Variants in IGSF3 observed in about 807,000 individuals in gnomAD.
IGSF3 encodes glu-Trp-Ile EWI motif-containing protein 3.
Under a neutral mutation model 114.4 loss-of-function variants are expected in IGSF3, and 23 were observed. That is an observed-to-expected ratio of 0.20 (90% confidence interval 0.14 to 0.28). The LOEUF (loss-of-function observed/expected upper bound fraction) is 0.28, where lower values mean the gene tolerates loss of function less well. Ranked by LOEUF, IGSF3 falls within the 10% of genes least tolerant of loss-of-function variation. The pLI, the probability that IGSF3 is intolerant of heterozygous loss-of-function variation, is 1.00. For missense variants in IGSF3, 1,172 were observed against 1,591.5 expected (o/e 0.74, Z 4.48); for synonymous variants, 571 against 645.2 (o/e 0.88, Z 1.74).
intron 7 of IGSF3, among the ~76,000 whole-genome samples, chr1:116,591,716 G>A (rs373754126): frequency 6.6e-6 from 1 of 152,116 alleles, no homozygotes; most frequent in South Asian, 2.1e-4. Flanking sequence ...CTTTCCTGAG[G>A]CACAGGGGAG....
rs1479448160 is a variant in IGSF3, at chr1:116,642,734, C to T, written c.43+23550G>A. On this transcript the variant is annotated intron_variant, in intron 2 of 10. Transcript: ENST00000369486. This position sits in a 1 kb window ranked among gnomAD's most constrained non-coding sequence, Gnocchi z 5.4. ...CAGGTGCAGCGCTGCCCTGGGATAC[C>T]AGCTCCTGGGATGCGCTGTAGTATC... 6.6e-6 allele frequency among the ~76,000 whole-genome samples: 1 copy of T among 152,256 alleles called. No homozygotes were observed. Among genetic ancestry groups the T allele is most frequent in the Non-Finnish European group, 1.5e-5 (1 of 68,044 alleles).
At chr1:116,591,803 G>A (rs1490500671) in intron 7 of IGSF3, among the ~76,000 whole-genome samples, 1 of 152,140 alleles carries the variant, frequency 6.6e-6, no homozygotes, top group Non-Finnish European at 1.5e-5. Context: ...TACAGCTTGC[G>A]TGCACCACCT....
In IGSF3 at chr1:116,607,947, G is replaced by C. The variant is rs529881365; in HGVS notation, c.1217C>G (p.Pro406Arg). The change falls in exon 5 of 11, where the codon CCC becomes CGC. Residue 406 changes from proline (P) to arginine (R), a missense_variant. Physicochemically the swap from Pro to Arg is moderately radical, Grantham distance 103. Around this residue, in one of 3 missense-constraint regions of IGSF3, gnomAD observed 736 missense variants for 1,042.0 expected, o/e 0.71. Coordinates refer to ENST00000369486, the MANE Select transcript of IGSF3 (RefSeq NM_001007237.3). The surrounding 1 kb of genome is among the most constrained non-coding windows in gnomAD (Gnocchi z 6.1). ...RPKNIPIIVL[P>R]LKSSISVEVA... Reference sequence around the variant, plus strand: ...CAGCACATCTCTCTACTTACTGAGGGGGAGGACTATGATGGGGATGTTCTT... The same window carrying C: ...CAGCACATCTCTCTACTTACTGAGGCGGAGGACTATGATGGGGATGTTCTT... 6.2e-7 allele frequency: 1 copy of C among 1,613,676 alleles called. No individual in the cohort carries two copies. The highest frequency in any genetic ancestry group is 2.2e-5 in the East Asian group (1 of 44,874).
In IGSF3 at chr1:116,648,044, C is replaced by T. The variant is rs959592114; in HGVS notation, c.43+18240G>A. ...GCTTGAACCTGGGAGGCAGAGGTTG[C>T]GATAAGCTGAGATTGGGCCACTGCA... On this transcript the variant is annotated intron_variant, in intron 2 of 10. Transcript: ENST00000369486. The surrounding 1 kb of genome is among the most constrained non-coding windows in gnomAD (Gnocchi z 4.7). 1.3e-5 allele frequency among the ~76,000 whole-genome samples: 2 copies of T among 151,992 alleles called. No homozygotes were observed. The highest frequency in any genetic ancestry group is 4.8e-5 in the African/African-American group (2 of 41,352).
At position 116,650,443 on chromosome 1, in the gene IGSF3, C is replaced by T. The variant is rs1192217676; in HGVS notation, c.43+15841G>A. ...GAATCTCCCAGCAGACTTCTCATAC[C>T]TCAGTGGCCAAAACCATGTCACACG... On this transcript the variant is annotated intron_variant, in intron 2 of 10. Transcript: ENST00000369486. This position sits in a 1 kb window ranked among gnomAD's most constrained non-coding sequence, Gnocchi z 5.0. Among the ~76,000 whole-genome samples the T allele has an allele frequency of 6.6e-6, 1 of 152,206 alleles. No homozygotes were observed. Among genetic ancestry groups the T allele is most frequent in the Non-Finnish European group, 1.5e-5 (1 of 68,026 alleles).
At chr1:116,663,083 A>G (rs1191553181) in intron 2 of IGSF3, among the ~76,000 whole-genome samples, 1 of 152,110 alleles carries the variant, frequency 6.6e-6, no homozygotes, top group Non-Finnish European at 1.5e-5. Flanking sequence ...AATCTCCTAC[A>G]TTTTTCATTG....
At chr1:116,613,593 G>A (rs571388662) in intron 4 of IGSF3, among the ~76,000 whole-genome samples, 172 bp downstream of exon 4, 1 of 152,324 alleles carries the variant, frequency 6.6e-6, no homozygotes, top group East Asian at 1.9e-4. Context: ...GGATACCTAT[G>A]TCCCACACAT....
chr1:116,609,741 T>C (rs775109669), intron 4 of IGSF3, among the ~76,000 whole-genome samples: 44 of 152,172 alleles, frequency 2.9e-4, no homozygotes, highest in Non-Finnish European at 4.4e-4. Flanking sequence ...TTTCCCACTA[T>C]CTTCAAGATC....
At position 116,636,122 on chromosome 1, in the gene IGSF3, G is replaced by C. The variant is rs1469516360; in HGVS notation, c.44-19665C>G. On this transcript the variant is annotated intron_variant, in intron 2 of 10. Transcript: ENST00000369486. This position sits in a 1 kb window ranked among gnomAD's most constrained non-coding sequence, Gnocchi z 4.5. ...CACCCCGACCACACCCTCTCAAAAG[G>C]CCTTTGCCAGTCATCAAACAAAGCC... Among the ~76,000 whole-genome samples the C allele has an allele frequency of 6.6e-6, 1 of 152,028 alleles. No individual in the cohort carries two copies. The highest frequency in any genetic ancestry group is 1.5e-5 in the Non-Finnish European group (1 of 68,006).
chr1:116,611,127 C>T (rs1029849728), intron 4 of IGSF3, among the ~76,000 whole-genome samples: 4 of 152,182 alleles, frequency 2.6e-5, no homozygotes, highest in Admixed American at 6.5e-5. Context: ...CTCTTGGCTT[C>T]AGACTCAACA....
intron 2 of IGSF3, among the ~76,000 whole-genome samples, chr1:116,663,117 T>C (rs1649181435): frequency 6.6e-6 from 1 of 152,250 alleles, no homozygotes; most frequent in Non-Finnish European, 1.5e-5. Context: ...AGCTATTTAA[T>C]CTTGTTTGCA....
Position 116,607,978 on chromosome 1 carries a change from G to T in IGSF3, c.1186C>A (p.Arg396Ser). 2 of 1,612,646 alleles carry T rather than the reference G, an allele frequency of 1.2e-6. No individual in the cohort carries two copies. Among genetic ancestry groups the T allele is most frequent in the Non-Finnish European group, 1.7e-6 (2 of 1,178,648 alleles). Reference sequence around the variant, plus strand: ...ACTATGATGGGGATGTTCTTGGGACGCTTGCTCTCCTTATCAATGAATTCC... The same window carrying T: ...ACTATGATGGGGATGTTCTTGGGACTCTTGCTCTCCTTATCAATGAATTCC... ...TGEFIDKESK[R>S]PKNIPIIVLP... Residue 396 changes from arginine to serine, a missense_variant, in exon 5 of 11, where the codon CGT becomes AGT. By Grantham distance (110) the Arg-to-Ser change is moderately radical. Coordinates refer to ENST00000369486, the MANE Select transcript of IGSF3 (RefSeq NM_001007237.3). This position sits in a 1 kb window ranked among gnomAD's most constrained non-coding sequence, Gnocchi z 6.1.
At chr1:116,604,527 A>G (rs983165425) in intron 5 of IGSF3, among the ~76,000 whole-genome samples, 5 of 152,320 alleles carry the variant, frequency 3.3e-5, no homozygotes, top group African/African-American at 7.2e-5. Flanking sequence ...AAATACTGGG[A>G]AAAAAACCAA....
Position 116,610,373 on chromosome 1 carries a change from C to T in IGSF3, c.833-2042G>A, listed in dbSNP as rs190730603. Among the ~76,000 whole-genome samples the T allele has an allele frequency of 1.6e-4, 24 of 152,286 alleles. No homozygotes were observed. Among genetic ancestry groups the T allele is most frequent in the African/African-American group, 5.3e-4 (22 of 41,552 alleles). On this transcript the variant is annotated intron_variant, in intron 4 of 10. Transcript: ENST00000369486. The surrounding 1 kb of genome is among the most constrained non-coding windows in gnomAD (Gnocchi z 4.3). ...GACTCTTCTCATCTCAAGGGAATCCCCCCATGCCTTGGTGACACCTTCATG... is the reference window on the plus strand; with the variant it reads ...GACTCTTCTCATCTCAAGGGAATCCTCCCATGCCTTGGTGACACCTTCATG...
chr1:116,602,048 G>C (rs1369628497), intron 6 of IGSF3, among the ~76,000 whole-genome samples: 7 of 152,222 alleles, frequency 4.6e-5, no homozygotes, highest in Admixed American at 4.6e-4. Flanking sequence ...ATTCATGTGT[G>C]TCATTGTTAA....
At position 116,584,705 on chromosome 1, in the gene IGSF3, T is replaced by A. The variant is rs1167282470; in HGVS notation, c.2788A>T (p.Met930Leu). Residue 930 changes from methionine (M) to leucine (L), a missense_variant, in exon 9 of 11, where the codon ATG (methionine) becomes TTG (leucine). Around this residue, in one of 3 missense-constraint regions of IGSF3, gnomAD observed 423 missense variants for 509.8 expected, o/e 0.83. Coordinates refer to ENST00000369486, the MANE Select transcript of IGSF3 (RefSeq NM_001007237.3). The surrounding 1 kb of genome is among the most constrained non-coding windows in gnomAD (Gnocchi z 5.8). ...VEEWLPSPSG[M>L]WYKRAEDTAG... ...GTGTCCTCTGCCCGCTTATACCACA[T>A]GCCACTGGGGCTGGGCAGCCACTCC... 1 of 1,613,856 alleles carries A rather than the reference T, an allele frequency of 6.2e-7. No homozygotes were observed. Among genetic ancestry groups the A allele is most frequent in the Non-Finnish European group, 8.5e-7 (1 of 1,179,712 alleles).
chr1:116,613,622 C>A lies in IGSF3; in HGVS notation c.832+143G>T. 2 of 789,988 alleles carry A rather than the reference C, an allele frequency of 2.5e-6. 1 individual carries two copies. The highest frequency in any genetic ancestry group is 3.6e-5 in the South Asian group (2 of 55,582). The allele number at this position is 789,988 out of a possible 1,614,324, so 48.9% of individuals were successfully genotyped here. A position where few individuals can be genotyped will look rare whatever the true frequency, so the allele number is the denominator to read the frequency against. ...CACACATCCCTCAGCTCCCTCCAGC[C>A]GCACACAAGACCGGCTTTAACTTCA... On this transcript the variant is annotated intron_variant, in intron 4 of 10. Coordinates refer to ENST00000369486, the MANE Select transcript of IGSF3 (RefSeq NM_001007237.3).
In IGSF3 at chr1:116,627,929, T is replaced by G. The variant is rs1047625284; in HGVS notation, c.44-11472A>C. On this transcript the variant is annotated intron_variant, in intron 2 of 10. Transcript: ENST00000369486. This position sits in a 1 kb window ranked among gnomAD's most constrained non-coding sequence, Gnocchi z 4.7. Reference sequence around the variant, plus strand: ...CTACTCAGAGCAGCCCCTTCAGCTCTTCACCCTGGAAAGCACTCCGGTACA... The same window carrying G: ...CTACTCAGAGCAGCCCCTTCAGCTCGTCACCCTGGAAAGCACTCCGGTACA... 3.3e-5 allele frequency among the ~76,000 whole-genome samples: 5 copies of G among 152,108 alleles called. No homozygotes were observed. Among genetic ancestry groups the G allele is most frequent in the Admixed American group, 3.3e-4 (5 of 15,286 alleles).
At chr1:116,580,717 C>T (rs547426918) in intron 9 of IGSF3, among the ~76,000 whole-genome samples, 12 of 152,226 alleles carry the variant, frequency 7.9e-5, no homozygotes, top group Non-Finnish European at 1.5e-4. Flanking sequence ...TTTAAGCCAC[C>T]CAGTCTATAG....
Sources: allele counts gnomAD v4.1 joint callset (sites outside exome capture counted in the v4.1 genomes callset), GRCh38; gene constraint gnomAD v4.1.1; regional missense constraint gnomAD v4.1.1; non-coding constraint Gnocchi (gnomAD v3.1); transcripts MANE v1.5; gene names NCBI Gene and HGNC (gene_info 2026-07-23, HGNC 2026-07-21).